Variants in PARD3B observed in about 807,000 individuals in gnomAD.
The protein encoded by PARD3B is partitioning defective 3 homolog B.
A neutral mutation model predicts 130.2 loss-of-function variants in PARD3B; 103 were observed. The ratio of observed to expected loss-of-function variants is 0.79; its 90% CI spans 0.67 to 0.93. The LOEUF is 0.93. Ranked by LOEUF, PARD3B falls within the 40% of genes least tolerant of loss-of-function variation. The pLI is 0.00. For missense variants in PARD3B, 1,609 were observed against 1,499.2 expected (o/e 1.07, Z -1.21); for synonymous variants, 583 against 553.2 (o/e 1.05, Z -0.76).
intron 4 of PARD3B, among the ~76,000 whole-genome samples, chr2:205,084,459 G>T (rs185333936): frequency 1.3e-5 from 2 of 151,810 alleles, no homozygotes; most frequent in Non-Finnish European, 2.9e-5. Flanking sequence ...TGCTGCACAG[G>T]GTTCAGATGA....
At chr2:204,757,393 T>C (rs1482029817) in intron 2 of PARD3B, among the ~76,000 whole-genome samples, 2 of 152,190 alleles carry the variant, frequency 1.3e-5, no homozygotes, top group Non-Finnish European at 2.9e-5. Context: ...TGTGTAAGTG[T>C]TCTCTTTCCT....
chr2:204,927,367 A>G (rs6733528), intron 2 of PARD3B, among the ~76,000 whole-genome samples: 36,014 of 152,014 alleles, frequency 0.24, 4,711 homozygotes, highest in Non-Finnish European at 0.3. Context: ...TCCACCATGC[A>G]AGGGTGCAGC....
chr2:204,942,040 T>C (rs928275923), intron 2 of PARD3B, among the ~76,000 whole-genome samples: 1 of 152,172 alleles, frequency 6.6e-6, no homozygotes, highest in Non-Finnish European at 1.5e-5. Flanking sequence ...CAGGTAATGT[T>C]CAATATGTGC....
chr2:205,444,800 A>C (rs969911834), intron 20 of PARD3B, among the ~76,000 whole-genome samples: 1 of 152,226 alleles, frequency 6.6e-6, no homozygotes, highest in Non-Finnish European at 1.5e-5. Flanking sequence ...TAAAACAAAG[A>C]CAAAGATGTT....
intron 18 of PARD3B, among the ~76,000 whole-genome samples, chr2:205,332,028 C>T (rs2043156040): frequency 2.0e-5 from 3 of 151,940 alleles, no homozygotes; most frequent in South Asian, 4.1e-4. Flanking sequence ...TCGCGTGAAC[C>T]CGGGAGGTGG....
At chr2:205,059,525 C>T (rs1465941280) in intron 4 of PARD3B, among the ~76,000 whole-genome samples, 2 of 152,026 alleles carry the variant, frequency 1.3e-5, no homozygotes. Context: ...CTTATCCACA[C>T]CCTTTCTGCT....
rs2048458233 is a variant in PARD3B, at chr2:205,461,621, C to G, written c.3044+20949C>G. ...TTATTAATGTGATAAATGTTTGCTC[C>G]TTGGTCAACTTTTAGTGGTCCTAGA... is the stretch of plus-strand genomic sequence containing the variant. On this transcript the variant is annotated intron_variant, in intron 20 of 22. Transcript: ENST00000406610. This position sits in a 1 kb window ranked among gnomAD's most constrained non-coding sequence, Gnocchi z 4.3. Among the ~76,000 whole-genome samples, 2 of 152,134 alleles carry G rather than the reference C, an allele frequency of 1.3e-5. No individual in the cohort carries two copies. The highest frequency in any genetic ancestry group is 1.3e-4 in the Admixed American group (2 of 15,270).
At chr2:204,778,256 T>C (rs544261301) in intron 2 of PARD3B, among the ~76,000 whole-genome samples, 7 of 152,252 alleles carry the variant, frequency 4.6e-5, no homozygotes, top group South Asian at 2.1e-4. Context: ...TTGGATGTTA[T>C]CATGTGGTCA....
intron 22 of PARD3B, among the ~76,000 whole-genome samples, chr2:205,574,949 C>A (rs1388965861): frequency 6.6e-6 from 1 of 151,688 alleles, no homozygotes; most frequent in Non-Finnish European, 1.5e-5. Flanking sequence ...CATCTGTCCT[C>A]CACAGAAAGG....
At chr2:205,061,772 C>G (rs1700077996) in intron 4 of PARD3B, among the ~76,000 whole-genome samples, 1 of 151,328 alleles carries the variant, frequency 6.6e-6, no homozygotes, top group Non-Finnish European at 1.5e-5. Flanking sequence ...CTTATAGAGA[C>G]CCTTGCAAGT....
chr2:205,570,144 G>T (rs1347763277), intron 22 of PARD3B, among the ~76,000 whole-genome samples: 3 of 152,132 alleles, frequency 2.0e-5, no homozygotes, highest in Non-Finnish European at 4.4e-5. Flanking sequence ...TTCTTAATCT[G>T]GGATCTGTGC....
intron 4 of PARD3B, chr2:205,103,653 G>A (rs1374756784): frequency 1.1e-6 from 1 of 917,236 alleles, no homozygotes; most frequent in African/African-American, 1.8e-5. Context: ...CTTATGAAGA[G>A]ACAGGTATCC....
intron 4 of PARD3B, among the ~76,000 whole-genome samples, chr2:205,102,135 T>C (rs1272119591): frequency 6.6e-6 from 1 of 152,144 alleles, no homozygotes; most frequent in Non-Finnish European, 1.5e-5. Context: ...GATCCAACCC[T>C]AGAACCGCCT....
At chr2:205,548,930 C>T (rs918505458) in intron 21 of PARD3B, among the ~76,000 whole-genome samples, 1 of 151,932 alleles carries the variant, frequency 6.6e-6, no homozygotes, top group South Asian at 2.1e-4. Flanking sequence ...AAGAAAACAA[C>T]CTAAATAAAA....
At chr2:205,138,512 A>C (rs1232056900) in intron 10 of PARD3B, among the ~76,000 whole-genome samples, 1 of 152,232 alleles carries the variant, frequency 6.6e-6, no homozygotes, top group Non-Finnish European at 1.5e-5. Context: ...GATAAACTAA[A>C]TTTTAGTATT....
At chr2:205,219,264 C>T (rs1442523812) in intron 15 of PARD3B, among the ~76,000 whole-genome samples, 5 of 152,008 alleles carry the variant, frequency 3.3e-5, no homozygotes, top group Middle Eastern at 3.2e-3. Flanking sequence ...CAGAAAGGAG[C>T]GTGATTTAAG....
chr2:205,306,899 T>C (rs1330192557), intron 18 of PARD3B, among the ~76,000 whole-genome samples: 2 of 152,230 alleles, frequency 1.3e-5, no homozygotes, highest in Non-Finnish European at 1.5e-5. Flanking sequence ...GTTTCTTTCT[T>C]ATTTAAAAAA....
chr2:205,387,843 C>T (rs369354182), intron 18 of PARD3B, among the ~76,000 whole-genome samples: 4 of 152,184 alleles, frequency 2.6e-5, no homozygotes, highest in African/African-American at 7.2e-5. Flanking sequence ...ATCTGAGTGA[C>T]GCTGCTGGTG....
At chr2:205,547,466 A>G (rs2106477753) in intron 21 of PARD3B, among the ~76,000 whole-genome samples, 1 of 152,294 alleles carries the variant, frequency 6.6e-6, no homozygotes, top group South Asian at 2.1e-4. Flanking sequence ...AGCTTATAGA[A>G]CCATAAGGGA....
Sources: allele counts gnomAD v4.1 joint callset (sites outside exome capture counted in the v4.1 genomes callset), GRCh38; gene constraint gnomAD v4.1.1; non-coding constraint Gnocchi (gnomAD v3.1); transcripts MANE v1.5; gene names NCBI Gene and HGNC (gene_info 2026-07-23, HGNC 2026-07-21).